The following PLXDC2 variants were observed in gnomAD, a reference collection of about 807,000 sequenced individuals.
The protein encoded by PLXDC2 is plexin domain-containing protein 2.
PLXDC2 carries 40 observed loss-of-function variants against 68.9 expected under a neutral mutation model. The ratio of observed to expected loss-of-function variants is 0.58; its 90% CI spans 0.45 to 0.76. The LOEUF is 0.76. Among genes scored for constraint, PLXDC2 ranks in the 30% least tolerant of loss-of-function variants. PLXDC2 has a pLI of 0.00. For missense variants in PLXDC2, 644 were observed against 661.9 expected (o/e 0.97, Z 0.30); for synonymous variants, 243 against 234.2 (o/e 1.04, Z -0.34).
intron 2 of PLXDC2, among the ~76,000 whole-genome samples, chr10:20,031,532 A>C (rs1188263381): frequency 6.6e-6 from 1 of 152,160 alleles, no homozygotes; most frequent in African/African-American, 2.4e-5. Context: ...CTCTGTTGGT[A>C]GTCTACTGCT....
intron 2 of PLXDC2, among the ~76,000 whole-genome samples, chr10:20,044,186 T>C (rs1589602202): frequency 7.9e-6 from 1 of 126,996 alleles, no homozygotes; most frequent in East Asian, 2.4e-4. Context: ...TCCTTCTTTC[T>C]TTCTTTCTCT....
chr10:20,228,384 A>G (rs892261974), intron 12 of PLXDC2, among the ~76,000 whole-genome samples: 4 of 151,980 alleles, frequency 2.6e-5, no homozygotes, highest in African/African-American at 4.8e-5. Context: ...AACACAGGGA[A>G]ACCCTGTCTC....
At chr10:20,169,284 T>C (rs1834415057) in intron 7 of PLXDC2, among the ~76,000 whole-genome samples, 1 of 152,208 alleles carries the variant, frequency 6.6e-6, no homozygotes, top group Non-Finnish European at 1.5e-5. Flanking sequence ...ATTGTTATAT[T>C]AGAAATATCC....
intron 1 of PLXDC2, among the ~76,000 whole-genome samples, chr10:19,864,049 C>G (rs1458570834): frequency 2.6e-5 from 4 of 152,160 alleles, no homozygotes; most frequent in East Asian, 1.9e-4. Context: ...GGGTCTCACT[C>G]TGTTGCTCAG....
At chr10:20,186,007 T>C (rs1269391521) in intron 9 of PLXDC2, among the ~76,000 whole-genome samples, 1 of 151,972 alleles carries the variant, frequency 6.6e-6, no homozygotes, top group Non-Finnish European at 1.5e-5. Context: ...TCCTTCTTTT[T>C]GCTTATCAGA....
In PLXDC2 at chr10:20,288,017, T is replaced by A. The variant is rs1489469879; in HGVS notation, c.*8198T>A. 6.7e-6 allele frequency: 1 copy of A among 150,286 alleles called. No homozygotes were observed. Among genetic ancestry groups the A allele is most frequent in the Non-Finnish European group, 1.5e-5 (1 of 67,846 alleles). The allele number at this position is 150,286 out of a possible 1,614,324, so 9.3% of individuals were successfully genotyped here. On this transcript the variant is annotated 3_prime_UTR_variant, in exon 14 of 14. Transcript: ENST00000377252. ...GGGGGCGGTGGCTTTCCAGATTTTA[T>A]GCCAGTTGCACCAGCATGCAGAATA...
chr10:19,879,425 C>T (rs1375617374), intron 1 of PLXDC2, among the ~76,000 whole-genome samples: 1 of 152,032 alleles, frequency 6.6e-6, no homozygotes, highest in East Asian at 1.9e-4. Flanking sequence ...AGTCAGTGAG[C>T]TTTATATCTC....
intron 2 of PLXDC2, among the ~76,000 whole-genome samples, chr10:20,028,123 A>G (rs7898634): frequency 0.1 from 15,446 of 152,194 alleles, 1,752 homozygotes; most frequent in African/African-American, 0.28. Flanking sequence ...GTGTGTTGCA[A>G]TTTGGACATT....
chr10:20,246,073 G>A (rs1835591217), intron 13 of PLXDC2, among the ~76,000 whole-genome samples: 4 of 152,204 alleles, frequency 2.6e-5, no homozygotes, highest in Non-Finnish European at 5.9e-5. Flanking sequence ...TAAATGCAGA[G>A]AGACGCATAT....
rs1049759854 is a variant in PLXDC2, at chr10:20,255,461, C to T, written c.1473+9956C>T. 5.3e-5 allele frequency among the ~76,000 whole-genome samples: 8 copies of T among 151,894 alleles called. No homozygotes were observed. The East Asian group carries it at 7.7e-4, about 15-fold the overall frequency. ...CTTGTGACATTGGTTAATTGTTCTGCGTTAAAATAAATACTTAAGCCTTTC... is the reference window on the plus strand; with the variant it reads ...CTTGTGACATTGGTTAATTGTTCTGTGTTAAAATAAATACTTAAGCCTTTC... On this transcript the variant is annotated intron_variant, in intron 13 of 13. Coordinates refer to ENST00000377252, the MANE Select transcript of PLXDC2 (RefSeq NM_032812.9).
At chr10:20,088,008 C>T (rs370562845) in intron 4 of PLXDC2, among the ~76,000 whole-genome samples, 6 of 152,116 alleles carry the variant, frequency 3.9e-5, no homozygotes, top group East Asian at 1.9e-4. Context: ...ATGAAAGAAA[C>T]GGAAGGGATA....
chr10:20,029,654 A>G (rs1227082578), intron 2 of PLXDC2, among the ~76,000 whole-genome samples: 3 of 152,218 alleles, frequency 2.0e-5, no homozygotes, highest in Middle Eastern at 3.2e-3. Flanking sequence ...TCTTTTAGCT[A>G]TCTTGTAATT....
intron 9 of PLXDC2, among the ~76,000 whole-genome samples, chr10:20,204,455 G>C (rs1834963319): frequency 6.6e-6 from 1 of 151,918 alleles, no homozygotes. Context: ...GATTCTGGAG[G>C]ATCATTTTTC....
chr10:20,028,820 C>G (rs981417193), intron 2 of PLXDC2, among the ~76,000 whole-genome samples: 1 of 152,202 alleles, frequency 6.6e-6, no homozygotes, highest in South Asian at 2.1e-4. Context: ...TGTACCTTCT[C>G]TGTTCCACCC....
At chr10:20,040,540 C>A (rs544228500) in intron 2 of PLXDC2, among the ~76,000 whole-genome samples, 1 of 152,156 alleles carries the variant, frequency 6.6e-6, no homozygotes, top group Non-Finnish European at 1.5e-5. Context: ...CATAAATCCT[C>A]GTCTTGCTCT....
intron 1 of PLXDC2, among the ~76,000 whole-genome samples, chr10:19,998,883 C>T (rs1295026323): frequency 2.0e-5 from 3 of 152,150 alleles, no homozygotes; most frequent in African/African-American, 7.2e-5. Context: ...ATATGCTTGT[C>T]TCATACCTGT....
intron 3 of PLXDC2, among the ~76,000 whole-genome samples, chr10:20,055,791 T>C (rs1441870145): frequency 1.3e-5 from 2 of 152,140 alleles, no homozygotes; most frequent in Non-Finnish European, 2.9e-5. Flanking sequence ...GGAAGAAATA[T>C]ACTGGACATA....
intron 5 of PLXDC2, among the ~76,000 whole-genome samples, chr10:20,145,393 A>G (rs1162122383): frequency 6.6e-6 from 1 of 152,232 alleles, no homozygotes; most frequent in Non-Finnish European, 1.5e-5. Flanking sequence ...AGTTAGAATC[A>G]TTGACAGGAT....
Position 20,155,229 on chromosome 10 carries a change from C to T in PLXDC2, c.783+7327C>T, listed in dbSNP as rs567588623. 1.9e-4 allele frequency among the ~76,000 whole-genome samples: 29 copies of T among 152,244 alleles called. No individual in the cohort carries two copies. In the South Asian group the frequency reaches 5.6e-3, roughly 29 times the overall value. On this transcript the variant is annotated intron_variant, in intron 6 of 13. Coordinates refer to ENST00000377252, the MANE Select transcript of PLXDC2 (RefSeq NM_032812.9). ...TTATTTAAACTGTAATGACCCTTCA[C>T]TCATGGTTAGCCGCCTGAAAGTATT... is the stretch of plus-strand genomic sequence containing the variant.
Sources: gnomAD v4.1 joint callset for allele counts (sites outside exome capture counted in the v4.1 genomes callset) on GRCh38, gnomAD v4.1.1 for gene constraint, MANE v1.5 for transcripts, NCBI Gene and HGNC (gene_info 2026-07-23, HGNC 2026-07-21) for gene names.